Variants in GRIN2A observed in about 807,000 individuals in gnomAD.
GRIN2A encodes the protein glutamate receptor ionotropic, NMDA 2A.
A neutral mutation model predicts 113.4 loss-of-function variants in GRIN2A; 22 were observed. The observed-to-expected ratio is 0.19, with a 90% CI of 0.14 to 0.28. The LOEUF is 0.28. GRIN2A is among the 10% of genes least tolerant of loss of function. The pLI is 1.00. For missense variants in GRIN2A, 1,502 were observed against 1,887.0 expected (o/e 0.80, Z 3.78); for synonymous variants, 827 against 738.4 (o/e 1.12, Z -1.94).
chr16:9,988,486 C>G (rs943158907), intron 2 of GRIN2A, among the ~76,000 whole-genome samples: 2 of 152,082 alleles, frequency 1.3e-5, no homozygotes, highest in Non-Finnish European at 2.9e-5. Context: ...AAGTCTATAT[C>G]AAATCCCCAC....
chr16:9,799,964 ATATTATTAT>A (rs71400498), intron 10 of GRIN2A, among the ~76,000 whole-genome samples: 6,258 of 149,658 alleles, frequency 0.042, 425 homozygotes, highest in African/African-American at 0.14. Context: ...CTGTGCCTAA[ATATTATTAT>A]TATTATTATT....
intron 2 of GRIN2A, among the ~76,000 whole-genome samples, chr16:9,997,868 G>C (rs2046254422): frequency 1.3e-5 from 2 of 152,272 alleles, no homozygotes; most frequent in South Asian, 4.1e-4. Context: ...ACATGCCTTT[G>C]TTCCTGCTTT....
At chr16:10,130,151 T>G (rs1240983181) in intron 2 of GRIN2A, among the ~76,000 whole-genome samples, 1 of 152,148 alleles carries the variant, frequency 6.6e-6, no homozygotes, top group Non-Finnish European at 1.5e-5. Context: ...GCCAAGAGAC[T>G]CATTCAAGGT....
rs1383093164 is a variant in GRIN2A, at chr16:10,114,730, G to C, written c.414+65268C>G. ...CCCAAAGCCTGTGCTTAAAAAGCTAGTGATCTAATAACCAAAGAATCACAA... is the reference window on the plus strand; with the variant it reads ...CCCAAAGCCTGTGCTTAAAAAGCTACTGATCTAATAACCAAAGAATCACAA... On this transcript the variant is annotated intron_variant, in intron 2 of 12. Coordinates refer to ENST00000330684, the MANE Select transcript of GRIN2A (RefSeq NM_001134407.3). 3.3e-5 allele frequency among the ~76,000 whole-genome samples: 5 copies of C among 152,178 alleles called. No homozygotes were observed. The East Asian group carries it at 9.6e-4, about 29-fold the overall frequency.
intron 3 of GRIN2A, among the ~76,000 whole-genome samples, chr16:9,896,253 T>C (rs2043804444): frequency 6.6e-6 from 1 of 152,164 alleles, no homozygotes; most frequent in Admixed American, 6.5e-5. Flanking sequence ...TTGCACCATG[T>C]TGGCCAGGCT....
rs1287845125 is a variant in GRIN2A, at chr16:9,990,561, GCGCACACACACA to G, written c.415-52022_415-52011del. ...TCTCTCTACACGCGCGCGCGCGCGCGCGCACACACACACACACACACACACACACACACACAC... is the reference window on the plus strand; with the variant it reads ...TCTCTCTACACGCGCGCGCGCGCGCGCACACACACACACACACACACACAC... On this transcript the variant is annotated intron_variant, in intron 2 of 12. Coordinates refer to ENST00000330684, the MANE Select transcript of GRIN2A (RefSeq NM_001134407.3). 2.5e-3 allele frequency among the ~76,000 whole-genome samples: 322 copies of G among 128,732 alleles called. 2 individuals are homozygous for G. The highest frequency in any genetic ancestry group is 3.7e-3 in the Non-Finnish European group (222 of 60,154). The allele number at this position is 128,732 out of a possible 152,430, so 84.5% of individuals were successfully genotyped here.
intron 2 of GRIN2A, among the ~76,000 whole-genome samples, chr16:10,152,929 T>C (rs1000363832): frequency 5.9e-5 from 9 of 151,984 alleles, no homozygotes; most frequent in Non-Finnish European, 1.2e-4. Flanking sequence ...TGCCAGGAGG[T>C]AGGGGCTTAG....
At chr16:10,159,272 A>G (rs1393466898) in intron 2 of GRIN2A, among the ~76,000 whole-genome samples, 1 of 152,146 alleles carries the variant, frequency 6.6e-6, no homozygotes, top group Admixed American at 6.5e-5. Context: ...ATTGACAGAG[A>G]GAAGAAATCC....
intron 2 of GRIN2A, among the ~76,000 whole-genome samples, chr16:10,170,330 C>T (rs1009229203): frequency 3.9e-5 from 6 of 152,190 alleles, no homozygotes; most frequent in Non-Finnish European, 5.9e-5. Context: ...AATTCTTCTT[C>T]AAACTATTGA....
intron 2 of GRIN2A, among the ~76,000 whole-genome samples, chr16:10,053,864 T>A (rs2047401086): frequency 6.6e-6 from 1 of 152,010 alleles, no homozygotes; most frequent in South Asian, 2.1e-4. Context: ...AATTTAATTT[T>A]AAAAAACTGA....
At chr16:9,984,879 T>G (rs1185641834) in intron 2 of GRIN2A, among the ~76,000 whole-genome samples, 1 of 152,134 alleles carries the variant, frequency 6.6e-6, no homozygotes, top group Non-Finnish European at 1.5e-5. Context: ...TTTTGAGGAG[T>G]GGGTTCAAAG....
chr16:9,855,379 G>C (rs757106098), intron 4 of GRIN2A, among the ~76,000 whole-genome samples: 2 of 152,164 alleles, frequency 1.3e-5, no homozygotes, highest in African/African-American at 2.4e-5. Flanking sequence ...GTCTCCATAC[G>C]TGGAACTATT....
intron 2 of GRIN2A, among the ~76,000 whole-genome samples, chr16:10,168,449 G>A (rs1290252889): frequency 6.6e-6 from 1 of 152,104 alleles, no homozygotes; most frequent in Non-Finnish European, 1.5e-5. Context: ...AAAAATCAAG[G>A]ATTTGAGAGG....
intron 4 of GRIN2A, among the ~76,000 whole-genome samples, chr16:9,858,244 C>T (rs747637042): frequency 1.1e-4 from 16 of 152,126 alleles, no homozygotes; most frequent in Non-Finnish European, 2.4e-4. Context: ...GTGGGGATGG[C>T]ATTGCTTGAG....
At chr16:9,770,032 G>C (rs1901166028) in intron 11 of GRIN2A, among the ~76,000 whole-genome samples, 1 of 152,238 alleles carries the variant, frequency 6.6e-6, no homozygotes, top group Middle Eastern at 3.4e-3. Flanking sequence ...TTTTCCAATG[G>C]GGGGAAGAAA....
At chr16:9,924,542 T>G (rs1196123300) in intron 3 of GRIN2A, among the ~76,000 whole-genome samples, 2 of 152,248 alleles carry the variant, frequency 1.3e-5, no homozygotes, top group African/African-American at 4.8e-5. Context: ...TATGTCTTCA[T>G]ATTTCTCATT....
intron 2 of GRIN2A, among the ~76,000 whole-genome samples, chr16:10,178,736 G>A (rs1251111097): frequency 6.6e-6 from 1 of 152,208 alleles, no homozygotes; most frequent in Non-Finnish European, 1.5e-5. Context: ...GTTACCAAAG[G>A]AGCTGGTAGG....
intron 2 of GRIN2A, among the ~76,000 whole-genome samples, chr16:10,122,619 G>C (rs967509803): frequency 3.9e-5 from 6 of 152,090 alleles, no homozygotes; most frequent in African/African-American, 1.4e-4. Flanking sequence ...AAAAAATGGG[G>C]AGCATTAAAA....
intron 2 of GRIN2A, among the ~76,000 whole-genome samples, chr16:10,032,619 G>C (rs2046950618): frequency 6.6e-6 from 1 of 152,156 alleles, no homozygotes; most frequent in Non-Finnish European, 1.5e-5. Flanking sequence ...TCACAGACGA[G>C]GAACTGAGGC....
Sources: allele counts gnomAD v4.1 joint callset (sites outside exome capture counted in the v4.1 genomes callset), GRCh38; gene constraint gnomAD v4.1.1; transcripts MANE v1.5; gene names NCBI Gene and HGNC (gene_info 2026-07-23, HGNC 2026-07-21).